Variants in IBTK observed in about 807,000 individuals in gnomAD.
The protein encoded by IBTK is BTK-binding protein.
Under a neutral mutation model 154.9 loss-of-function variants are expected in IBTK, and 83 were observed. The observed-to-expected ratio is 0.54, with a 90% CI of 0.45 to 0.64. The LOEUF (loss-of-function observed/expected upper bound fraction) is 0.64, where lower values mean the gene tolerates loss of function less well. Among genes scored for constraint, IBTK ranks in the 30% least tolerant of loss-of-function variants. The probability of loss-of-function intolerance (pLI) is 0.00; values close to 1 mark genes in which losing one functional copy is unlikely to be tolerated. For synonymous variants in IBTK, 515 were observed against 536.1 expected (o/e 0.96, Z 0.54); for missense variants, 1,332 against 1,584.6 (o/e 0.84, Z 2.71).
At chr6:82,219,658 CTT>C (rs1161141852) in intron 9 of IBTK, among the ~76,000 whole-genome samples, 1 of 121,632 alleles carries the variant, frequency 8.2e-6, no homozygotes, top group East Asian at 2.6e-4. Flanking sequence ...AGAAAATAAT[CTT>C]TTTAAATATT....
chr6:82,185,084 G>A (rs1174661887), intron 25 of IBTK, among the ~76,000 whole-genome samples: 1 of 150,878 alleles, frequency 6.6e-6, no homozygotes, highest in African/African-American at 2.4e-5. Flanking sequence ...TCGGGAGGCT[G>A]AGGCAGGAGA....
chr6:82,184,850 C>A (rs1768479737), intron 25 of IBTK, among the ~76,000 whole-genome samples: 1 of 152,066 alleles, frequency 6.6e-6, no homozygotes, highest in Non-Finnish European at 1.5e-5. Context: ...TTAGATGATA[C>A]TTCAGGTAAT....
chr6:82,200,154 A>C lies in IBTK; in HGVS notation c.3012T>G (p.Ser1004Arg), dbSNP rs1307063100. The change falls in exon 21 of 29, where the codon AGT becomes AGG. Residue 1004 changes from serine (S) to arginine (R), a missense_variant. Physicochemically the swap from Ser to Arg is moderately radical, Grantham distance 110. This residue lies in a region of IBTK where 1,134 missense variants were observed against 1,274.7 expected (regional missense o/e 0.89). Transcript: ENST00000306270. ...CTTTCCACGAACCTGTAGATGATGG[A>C]CTCTGAATAATATCTGAAAGGTTAT... ...GGYNLSDIIQ[S>R]PSSTGLLKSG... 8.1e-6 allele frequency: 13 copies of C among 1,600,486 alleles called. No individual in the cohort carries two copies. Among genetic ancestry groups the C allele is most frequent in the Non-Finnish European group, 1.1e-5 (13 of 1,169,756 alleles).
intron 1 of IBTK, among the ~76,000 whole-genome samples, chr6:82,245,856 A>G (rs185662887): frequency 1.9e-3 from 286 of 152,300 alleles, no homozygotes; most frequent in African/African-American, 6.3e-3. Flanking sequence ...TCTGGCTTGG[A>G]GAACAGATAG....
chr6:82,185,647 T>C (rs1768524441), intron 25 of IBTK, among the ~76,000 whole-genome samples: 1 of 151,794 alleles, frequency 6.6e-6, no homozygotes, highest in African/African-American at 2.4e-5. Context: ...TTACATTCTA[T>C]GTGTATCTGA....
intron 2 of IBTK, among the ~76,000 whole-genome samples, 187 bp downstream of exon 2, chr6:82,239,979 A>C (rs1770879820): frequency 6.6e-6 from 1 of 152,234 alleles, no homozygotes; most frequent in Non-Finnish European, 1.5e-5. Flanking sequence ...AAAATTTTAC[A>C]TCACAAAAAA....
chr6:82,191,983 G>T, intron 23 of IBTK, 104 bp from the exon 24 acceptor site: 1 of 631,650 alleles, frequency 1.6e-6, no homozygotes, highest in Non-Finnish European at 2.7e-6. Context: ...AATAATCAGA[G>T]TATAATTTAG....
intron 4 of IBTK, among the ~76,000 whole-genome samples, chr6:82,230,649 G>C (rs561329102): frequency 6.6e-6 from 1 of 152,246 alleles, no homozygotes; most frequent in South Asian, 2.1e-4. Context: ...GAATAGGGTA[G>C]TTTAGGAGTG....
rs776909262 is a variant in IBTK, at chr6:82,202,497, A to T, written c.2729+31T>A. ...ATTATATATAAATATCTCCTTTTGCAACAATCTTACAACATATGCACCTCA... is the reference window on the plus strand; with the variant it reads ...ATTATATATAAATATCTCCTTTTGCTACAATCTTACAACATATGCACCTCA... On this transcript the variant is annotated intron_variant, in intron 18 of 28. Transcript: ENST00000306270. The T allele has an allele frequency of 4.3e-6, 5 of 1,160,686 alleles. No individual in the cohort carries two copies. In the East Asian group the frequency reaches 1.2e-4, roughly 27 times the overall value. 71.9% of individuals were successfully genotyped at this position (1,160,686 alleles called of 1,614,324 possible).
chr6:82,246,441 C>CTCTTTCTTTTT (rs780889890), intron 1 of IBTK, among the ~76,000 whole-genome samples: 1 of 111,680 alleles, frequency 9.0e-6, no homozygotes, highest in Non-Finnish European at 1.8e-5. Context: ...TTACAGGCAT[C>CTCTTTCTTTTT]TTTTTTTTTT....
At chr6:82,191,029 A>C in intron 25 of IBTK, 44 bp downstream of exon 25, 1 of 1,403,118 alleles carries the variant, frequency 7.1e-7, no homozygotes, top group Non-Finnish European at 9.4e-7. Context: ...CCTTAAAAGC[A>C]AATGCACAAA....
chr6:82,199,756 A>G (rs1203279629), intron 21 of IBTK, among the ~76,000 whole-genome samples: 1 of 152,164 alleles, frequency 6.6e-6, no homozygotes, highest in Non-Finnish European at 1.5e-5. Flanking sequence ...GGCATATAAG[A>G]GCCTCCAAAA....
intron 13 of IBTK, 127 bp from the exon 14 acceptor site, chr6:82,211,699 A>T: frequency 2.9e-6 from 2 of 694,508 alleles, no homozygotes; most frequent in South Asian, 3.6e-5. Context: ...TTGCAGGAAT[A>T]CATACAATAA....
chr6:82,217,369 CTTA>C (rs1462794074), intron 10 of IBTK, among the ~76,000 whole-genome samples: 1 of 152,106 alleles, frequency 6.6e-6, no homozygotes, highest in Non-Finnish European at 1.5e-5. Flanking sequence ...TCTCAAGAAA[CTTA>C]TTATGTGGAT....
chr6:82,239,392 G>C (rs375741187), intron 2 of IBTK, among the ~76,000 whole-genome samples: 2 of 152,014 alleles, frequency 1.3e-5, no homozygotes, highest in Non-Finnish European at 2.9e-5. Context: ...GCCATGATCC[G>C]AGATCAGGGG....
rs1342498521 is a variant in IBTK, at chr6:82,223,633, A to C, written c.944-13T>G. ...TCTAGCAAACAACCTAAAAAATGAT[A>C]CAAATAAGCAAATCACAAAATAGCT... On this transcript the variant is annotated splice_polypyrimidine_tract_variant and intron_variant, in intron 7 of 28. Transcript: ENST00000306270. The C allele has an allele frequency of 1.0e-5, 16 of 1,607,342 alleles. No homozygotes were observed. Among genetic ancestry groups the C allele is most frequent in the Non-Finnish European group, 1.2e-5 (14 of 1,174,890 alleles).
At chr6:82,174,965 G>T (rs1036974126) in intron 26 of IBTK, 13 of 455,772 alleles carry the variant, frequency 2.9e-5, no homozygotes, top group African/African-American at 2.4e-4. Flanking sequence ...CTCTTTTACA[G>T]TTGGCTCAAA....
intron 16 of IBTK, among the ~76,000 whole-genome samples, chr6:82,209,094 G>C (rs369865395): frequency 1.3e-5 from 2 of 152,194 alleles, no homozygotes; most frequent in African/African-American, 4.8e-5. Context: ...GTAAGTGCTT[G>C]CAAGGATGTG....
chr6:82,222,489 C>T (rs1175117187), intron 8 of IBTK, among the ~76,000 whole-genome samples: 1 of 151,856 alleles, frequency 6.6e-6, no homozygotes, highest in Non-Finnish European at 1.5e-5. Context: ...CAGTAAAATA[C>T]TATATAAATG....
Sources: allele counts gnomAD v4.1 joint callset (sites outside exome capture counted in the v4.1 genomes callset), GRCh38; gene constraint gnomAD v4.1.1; regional missense constraint gnomAD v4.1.1; transcripts MANE v1.5; gene names NCBI Gene and HGNC (gene_info 2026-07-23, HGNC 2026-07-21).